Variants in DNAJB6 observed in about 807,000 individuals in gnomAD.
DNAJB6 encodes dnaJ homolog subfamily B member 6.
DNAJB6 carries 16 observed loss-of-function variants against 42.7 expected under a neutral mutation model. That is an observed-to-expected ratio of 0.37 (90% confidence interval 0.25 to 0.57). The LOEUF (loss-of-function observed/expected upper bound fraction) is 0.57, where lower values mean the gene tolerates loss of function less well. DNAJB6 is among the 20% of genes least tolerant of loss of function. DNAJB6 has a pLI of 0.74. For synonymous variants in DNAJB6, 170 were observed against 163.5 expected, an observed-to-expected ratio of 1.04 and a Z score of -0.30; for missense variants, 347 against 416.8, an observed-to-expected ratio of 0.83 and a Z score of 1.46.
chr7:157,386,405 A>G (rs1801060928), intron 8 of DNAJB6: 2 of 642,322 alleles, frequency 3.1e-6, no homozygotes, highest in Admixed American at 6.3e-5. Flanking sequence ...ATTCAGGTGG[A>G]TGCCGCACCT....
intron 1 of DNAJB6, among the ~76,000 whole-genome samples, chr7:157,343,024 C>G (rs143307112): frequency 2.2e-4 from 33 of 151,208 alleles, no homozygotes; most frequent in African/African-American, 7.8e-4. Flanking sequence ...CCAAGTCTCA[C>G]TCTGTCACTT....
intron 9 of DNAJB6, chr7:157,415,237 C>G (rs1349032328): frequency 6.6e-6 from 1 of 152,270 alleles, no homozygotes; most frequent in African/African-American, 2.4e-5. Context: ...GAGTTCAAGA[C>G]AGTTTCTGCA....
At chr7:157,406,262 C>T (rs566298557) in intron 8 of DNAJB6, among the ~76,000 whole-genome samples, 21 of 152,332 alleles carry the variant, frequency 1.4e-4, no homozygotes, top group African/African-American at 5.1e-4. Context: ...TGCGTGACTC[C>T]CCAGGTGATG....
In DNAJB6 at chr7:157,363,288, G is replaced by A. The variant is rs775626853; in HGVS notation, c.175+18G>A. On this transcript the variant is annotated intron_variant, in intron 3 of 9. Transcript: ENST00000262177. The stretch of plus-strand genomic sequence containing the variant: ...GTCGGATGGTGAGTGACAGCGAGCT[G>A]CTGAAGGACCCTGAGCGGGCATGCC... 4.5e-6 allele frequency: 7 copies of A among 1,564,946 alleles called. No homozygotes were observed. Among genetic ancestry groups the A allele is most frequent in the Middle Eastern group, 1.7e-4 (1 of 5,974 alleles).
At position 157,357,885 on chromosome 7, in the gene DNAJB6, G is replaced by A. The variant is rs923724651; in HGVS notation, c.-26-662G>A. On this transcript the variant is annotated intron_variant, in intron 1 of 9. Transcript: ENST00000262177. ...GGTTTTCCACCTTCCATTCGGTAGTGATACTATCTAATTAGTGTGGTCAAC... is the reference window on the plus strand; with the variant it reads ...GGTTTTCCACCTTCCATTCGGTAGTAATACTATCTAATTAGTGTGGTCAAC... Among the ~76,000 whole-genome samples, 3 of 152,328 alleles carry A rather than the reference G, an allele frequency of 2.0e-5. No individual in the cohort carries two copies. In the East Asian group the frequency reaches 5.8e-4, roughly 29 times the overall value.
At chr7:157,415,599 G>T in intron 9 of DNAJB6, 1 of 193,434 alleles carries the variant, frequency 5.2e-6, no homozygotes, top group South Asian at 9.2e-5. Context: ...CCGGGACTGA[G>T]GTGCAGCCGT....
At position 157,343,759 on chromosome 7, in the gene DNAJB6, C is replaced by T. The variant is rs115406037; in HGVS notation, c.-27+6615C>T. Among the ~76,000 whole-genome samples, 646 of 152,200 alleles carry T rather than the reference C, an allele frequency of 4.2e-3. 5 individuals are homozygous for T. Among genetic ancestry groups the T allele is most frequent in the African/African-American group, 0.015 (615 of 41,546 alleles). ...CTACCCACGCCTAATCTTTATGTGA[C>T]GTGTTTTTTTAAAAGTCCTAAACTT... is the stretch of plus-strand genomic sequence containing the variant. On this transcript the variant is annotated intron_variant, in intron 1 of 9. Coordinates refer to ENST00000262177, the MANE Select transcript of DNAJB6 (RefSeq NM_058246.4).
chr7:157,363,842 A>G (rs1799723393), intron 3 of DNAJB6, among the ~76,000 whole-genome samples: 1 of 152,176 alleles, frequency 6.6e-6, no homozygotes, highest in South Asian at 2.1e-4. Context: ...GTGAGGGGTC[A>G]GAGGTCAGCT....
At chr7:157,380,401 CT>C (rs1375967662) in intron 5 of DNAJB6, 4 of 152,140 alleles carry the variant, frequency 2.6e-5, no homozygotes, top group Non-Finnish European at 5.9e-5. Context: ...AACATCTTTG[CT>C]TTTGTTCTTT....
chr7:157,360,802 T>TA (rs2116960585), intron 2 of DNAJB6, among the ~76,000 whole-genome samples: 1 of 152,342 alleles, frequency 6.6e-6, no homozygotes, highest in Admixed American at 6.5e-5. Flanking sequence ...TCTCCTGAGA[T>TA]ACCAGACTCT....
At chr7:157,338,214 C>G (rs934934889) in intron 1 of DNAJB6, among the ~76,000 whole-genome samples, 4 of 152,194 alleles carry the variant, frequency 2.6e-5, no homozygotes, top group African/African-American at 9.6e-5. Context: ...TTTAACCGCA[C>G]TTTTCCAAAT....
In DNAJB6 at chr7:157,366,560, A is replaced by G; in HGVS notation, c.234A>G (p.Gly78=). 1.2e-6 allele frequency: 2 copies of G among 1,613,770 alleles called. No individual in the cohort carries two copies. Among genetic ancestry groups the G allele is most frequent in the Non-Finnish European group, 1.7e-6 (2 of 1,179,796 alleles). The change falls in exon 4 of 10, where the codon GGA becomes GGG. Residue 78 remains glycine (G), a splice_region_variant and synonymous_variant. Coordinates refer to ENST00000262177, the MANE Select transcript of DNAJB6 (RefSeq NM_058246.4). ...AAGAAGGATTAAATGGTGGAGGAGG[A>G]GGTAAGTACGTGAGTTTTTTCTTTG... ...YGKEGLNGGG[G]GGSHFDSPFE... is the part of the protein sequence containing the mutation.
intron 8 of DNAJB6, among the ~76,000 whole-genome samples, chr7:157,400,365 C>CGGGGGAT (rs1554467471): frequency 3.8e-4 from 22 of 57,668 alleles, no homozygotes; most frequent in African/African-American, 1.8e-3. Context: ...TTCATGGACA[C>CGGGGGAT]GCTCGTGTGT....
intron 1 of DNAJB6, chr7:157,340,133 G>A (rs1022232675): frequency 2.0e-5 from 3 of 152,206 alleles, no homozygotes; most frequent in Admixed American, 2.0e-4. Context: ...TTGTATTTGT[G>A]AGTTGACGTT....
intron 5 of DNAJB6, among the ~76,000 whole-genome samples, chr7:157,371,152 A>G (rs573477363): frequency 2.6e-5 from 4 of 152,174 alleles, no homozygotes; most frequent in African/African-American, 7.2e-5. Flanking sequence ...ATCTGAAACC[A>G]TCCCCCTACC....
chr7:157,351,142 C>T (rs1436009851), intron 1 of DNAJB6, among the ~76,000 whole-genome samples: 2 of 152,006 alleles, frequency 1.3e-5, no homozygotes, highest in African/African-American at 4.8e-5. Context: ...CCATGTTGGT[C>T]AGGCTGGTCT....
intron 1 of DNAJB6, among the ~76,000 whole-genome samples, chr7:157,343,800 T>C (rs900949374): frequency 9.2e-5 from 14 of 152,206 alleles, no homozygotes; most frequent in African/African-American, 3.4e-4. Context: ...TCATTGAATT[T>C]ATTGGAGAAG....
At chr7:157,403,005 G>C (rs1426282626) in intron 8 of DNAJB6, among the ~76,000 whole-genome samples, 1 of 152,206 alleles carries the variant, frequency 6.6e-6, no homozygotes, top group Admixed American at 6.5e-5. Context: ...AGGCCCTGAC[G>C]ACAGGTGCCC....
intron 8 of DNAJB6, among the ~76,000 whole-genome samples, chr7:157,394,990 C>T (rs971298831): frequency 4.6e-5 from 7 of 152,078 alleles, no homozygotes; most frequent in African/African-American, 1.4e-4. Flanking sequence ...ACTCAGGAGG[C>T]TAAGGTGCGA....
Sources: allele counts gnomAD v4.1 joint callset (sites outside exome capture counted in the v4.1 genomes callset), GRCh38; gene constraint gnomAD v4.1.1; transcripts MANE v1.5; gene names NCBI Gene and HGNC (gene_info 2026-07-23, HGNC 2026-07-21).